ADGRB3: variants seen among roughly 807,000 people sequenced by gnomAD.
The protein encoded by ADGRB3 is brain-specific angiogenesis inhibitor 3.
In ADGRB3, 37 loss-of-function variants were observed where a neutral mutation model predicts 193.4. That is an observed-to-expected ratio of 0.19 (90% CI 0.15 to 0.25). The LOEUF is 0.25. Ranked by LOEUF, ADGRB3 falls within the 10% of genes least tolerant of loss-of-function variation. The pLI, the probability that ADGRB3 is intolerant of heterozygous loss-of-function variation, is 1.00. For missense variants in ADGRB3, 1,637 were observed against 1,852.9 expected (o/e 0.88, Z 2.14); for synonymous variants, 690 against 644.2 (o/e 1.07, Z -1.08).
At chr6:69,346,161 C>A (rs1009880263) in intron 26 of ADGRB3, among the ~76,000 whole-genome samples, 3 of 152,192 alleles carry the variant, frequency 2.0e-5, no homozygotes, top group African/African-American at 7.2e-5. Context: ...ATGAAAACTA[C>A]CCGAAGTAAT....
chr6:69,023,788 T>A (rs1258748175), intron 13 of ADGRB3, among the ~76,000 whole-genome samples: 1 of 152,098 alleles, frequency 6.6e-6, no homozygotes, highest in Non-Finnish European at 1.5e-5. Flanking sequence ...CAGGAGACAA[T>A]GAAGACAGGA....
intron 17 of ADGRB3, among the ~76,000 whole-genome samples, chr6:69,076,430 AC>A (rs1388159563): frequency 8.5e-5 from 13 of 152,064 alleles, no homozygotes; most frequent in African/African-American, 3.1e-4. Context: ...TACTCACATG[AC>A]CTTGAATCTA....
chr6:68,912,827 C>T (rs921158288), intron 3 of ADGRB3, among the ~76,000 whole-genome samples: 7 of 152,154 alleles, frequency 4.6e-5, no homozygotes, highest in Middle Eastern at 3.4e-3. Context: ...GGGTGACAGA[C>T]GGCACCTGGA....
At chr6:69,267,249 T>C (rs1767068116) in intron 20 of ADGRB3, among the ~76,000 whole-genome samples, 2 of 152,160 alleles carry the variant, frequency 1.3e-5, no homozygotes, top group Non-Finnish European at 2.9e-5. Flanking sequence ...TAGTTTCTGA[T>C]GTTCCACAGT....
intron 13 of ADGRB3, among the ~76,000 whole-genome samples, chr6:69,023,344 G>A (rs778334387): frequency 6.6e-6 from 1 of 152,064 alleles, no homozygotes; most frequent in Non-Finnish European, 1.5e-5. Context: ...AGGAGATGTT[G>A]TTCTGTATAA....
intron 15 of ADGRB3, among the ~76,000 whole-genome samples, chr6:69,054,247 T>C (rs1291345531): frequency 2.0e-5 from 3 of 152,200 alleles, no homozygotes; most frequent in Admixed American, 6.5e-5. Context: ...AATGAATTTC[T>C]TGTCAAGTAC....
At chr6:69,119,485 A>T (rs1383443643) in intron 17 of ADGRB3, among the ~76,000 whole-genome samples, 1 of 152,258 alleles carries the variant, frequency 6.6e-6, no homozygotes, top group Non-Finnish European at 1.5e-5. Context: ...AAAAATAAAA[A>T]GTAGAGCGAG....
chr6:69,364,925 G>T (rs1439100632), intron 29 of ADGRB3, among the ~76,000 whole-genome samples: 1 of 152,078 alleles, frequency 6.6e-6, no homozygotes, highest in Non-Finnish European at 1.5e-5. Flanking sequence ...AGCACTTGAG[G>T]ACTATAAAAT....
intron 3 of ADGRB3, among the ~76,000 whole-genome samples, chr6:68,703,395 C>T (rs1012719555): frequency 4.0e-5 from 6 of 151,862 alleles, no homozygotes; most frequent in Admixed American, 1.3e-4. Flanking sequence ...AAATTTTGAG[C>T]GTATCAATTT....
At chr6:69,323,839 A>T (rs545910603) in intron 20 of ADGRB3, among the ~76,000 whole-genome samples, 8 of 152,216 alleles carry the variant, frequency 5.3e-5, no homozygotes, top group Non-Finnish European at 7.4e-5. Context: ...TTCTAGTAAG[A>T]TATTCTGCAT....
intron 3 of ADGRB3, among the ~76,000 whole-genome samples, chr6:68,727,515 A>G (rs2127328870): frequency 6.6e-6 from 1 of 151,642 alleles, no homozygotes; most frequent in African/African-American, 2.4e-5. Context: ...CTGTTCTGCA[A>G]AGTTTGGAGA....
In ADGRB3 at chr6:68,794,394, A is replaced by C. The variant is rs549563464; in HGVS notation, c.758-136165A>C. 2.0e-5 allele frequency among the ~76,000 whole-genome samples: 3 copies of C among 152,182 alleles called. No homozygotes were observed. In the East Asian group the frequency reaches 5.8e-4, roughly 29 times the overall value. Reference sequence around the variant, plus strand: ...TAAATGCAGAAAAATAAAATATAAGAATTATTAAAGCTATGGAATCAATTT... The same window carrying C: ...TAAATGCAGAAAAATAAAATATAAGCATTATTAAAGCTATGGAATCAATTT... On this transcript the variant is annotated intron_variant, in intron 3 of 31. Transcript: ENST00000370598.
rs1773816964 is a variant in ADGRB3, at chr6:69,125,017, T to A, written c.2480+48979T>A. Among the ~76,000 whole-genome samples, 5 of 152,170 alleles carry A rather than the reference T, an allele frequency of 3.3e-5. No homozygotes were observed. The South Asian group carries it at 6.2e-4, about 19-fold the overall frequency. ...ATGTATGGTGGAAGTCTTTTTCTCCTGATATCATCCTTTTGGGTGGGAAGA... is the reference window on the plus strand; with the variant it reads ...ATGTATGGTGGAAGTCTTTTTCTCCAGATATCATCCTTTTGGGTGGGAAGA... On this transcript the variant is annotated intron_variant, in intron 17 of 31. Coordinates refer to ENST00000370598, the MANE Select transcript of ADGRB3 (RefSeq NM_001704.3).
chr6:68,896,736 A>T (rs916368262), intron 3 of ADGRB3, among the ~76,000 whole-genome samples: 4 of 152,166 alleles, frequency 2.6e-5, no homozygotes, highest in Admixed American at 1.3e-4. Flanking sequence ...TTTTAAAGAA[A>T]AGTAGCATTC....
intron 3 of ADGRB3, among the ~76,000 whole-genome samples, chr6:68,689,374 C>T (rs1377047024): frequency 6.6e-6 from 1 of 152,006 alleles, no homozygotes; most frequent in Non-Finnish European, 1.5e-5. Context: ...AGCTAGGGGC[C>T]AAGGAACTTT....
intron 3 of ADGRB3, among the ~76,000 whole-genome samples, chr6:68,860,288 G>A (rs1257837891): frequency 4.6e-5 from 7 of 151,978 alleles, no homozygotes; most frequent in Non-Finnish European, 8.8e-5. Flanking sequence ...TTGTTACATG[G>A]ATATATTGTC....
At chr6:69,174,428 G>T (rs1039596080) in intron 17 of ADGRB3, among the ~76,000 whole-genome samples, 1 of 152,214 alleles carries the variant, frequency 6.6e-6, no homozygotes, top group Non-Finnish European at 1.5e-5. Context: ...CAAAGACCAT[G>T]ACTTCATTTC....
chr6:69,023,192 A>G (rs1770323116), intron 13 of ADGRB3, among the ~76,000 whole-genome samples: 1 of 152,142 alleles, frequency 6.6e-6, no homozygotes, highest in South Asian at 2.1e-4. Context: ...TGAATGACTC[A>G]GGTCATTAAA....
Position 68,637,001 on chromosome 6 carries a change from A to G in ADGRB3, c.-187-390A>G, listed in dbSNP as rs1443817161. On this transcript the variant is annotated intron_variant, in intron 1 of 31. Coordinates refer to ENST00000370598, the MANE Select transcript of ADGRB3 (RefSeq NM_001704.3). ...AAGGAAATTATTTCCAGAATTTCTT[A>G]CAACTTTCTCTGTTTTTTTTTAACC... Among the ~76,000 whole-genome samples the G allele has an allele frequency of 2.0e-5, 3 of 149,228 alleles. No individual in the cohort carries two copies. In the East Asian group the frequency reaches 5.9e-4, roughly 29 times the overall value.
Sources: gnomAD v4.1 joint callset for allele counts (sites outside exome capture counted in the v4.1 genomes callset) on GRCh38, gnomAD v4.1.1 for gene constraint, MANE v1.5 for transcripts, NCBI Gene and HGNC (gene_info 2026-07-23, HGNC 2026-07-21) for gene names.